The following NME5 variants were observed in gnomAD, a reference collection of about 807,000 sequenced individuals.
NME5 encodes the protein nucleoside diphosphate kinase 5.
NME5 carries 18 observed loss-of-function variants against 21.6 expected under a neutral mutation model. The ratio of observed to expected loss-of-function variants is 0.83; its 90% CI spans 0.58 to 1.24. The LOEUF is 1.24. Among genes scored for constraint, NME5 ranks in the 50% most tolerant of loss-of-function variants. The pLI is 0.00. For synonymous variants in NME5, 70 were observed against 80.6 expected (o/e 0.87, Z 0.71); for missense variants, 223 against 255.4 (o/e 0.87, Z 0.86).
chr5:138,115,619 AG>A lies in NME5; in HGVS notation c.*61del. The A allele has an allele frequency of 1.0e-6, 1 of 992,190 alleles. No homozygotes were observed. Among genetic ancestry groups the A allele is most frequent in the Non-Finnish European group, 1.5e-6 (1 of 680,714 alleles). 61.5% of individuals were successfully genotyped at this position (992,190 alleles called of 1,614,324 possible). On this transcript the variant is annotated 3_prime_UTR_variant, in exon 6 of 6. Transcript: ENST00000265191. Reference sequence around the variant, plus strand: ...AACCCTAGAAATAATTTTTTCAAACAGTAGAAGTACAGCCTTTTATAATAAG... The same window carrying A: ...AACCCTAGAAATAATTTTTTCAAACATAGAAGTACAGCCTTTTATAATAAG...
rs534142466 is a variant in NME5, at chr5:138,132,177, C to G, written c.130-2709G>C. Among the ~76,000 whole-genome samples the G allele has an allele frequency of 2.6e-5, 4 of 152,080 alleles. No homozygotes were observed. In the East Asian group the frequency reaches 5.8e-4, roughly 22 times the overall value. On this transcript the variant is annotated intron_variant, in intron 2 of 5. Transcript: ENST00000265191. ...GAGTTCAACACCAGCCTGGGCCACACGCAGAAACCCCGTCTCTACAAAAAA... is the reference window on the plus strand; with the variant it reads ...GAGTTCAACACCAGCCTGGGCCACAGGCAGAAACCCCGTCTCTACAAAAAA...
intron 4 of NME5, among the ~76,000 whole-genome samples, chr5:138,124,675 C>A (rs1384250207): frequency 6.6e-6 from 1 of 152,106 alleles, no homozygotes; most frequent in Non-Finnish European, 1.5e-5. Flanking sequence ...TGTACACCAC[C>A]ACCCCCAGCT....
Position 138,115,741 on chromosome 5 carries a change from C to T in NME5, c.579G>A (p.Leu193=). 6.3e-7 allele frequency: 1 copy of T among 1,574,894 alleles called. No individual in the cohort carries two copies. The highest frequency in any genetic ancestry group is 8.6e-7 in the Non-Finnish European group (1 of 1,167,142). ...GTTTGGGTTTGTTAGGATTATTTTT[C>T]AGCAGCCAATCAGCTAGCCAAATCT... ...DPLIWLADWL[L]KNNPNKPKLC... is the part of the protein sequence containing the mutation. The change falls in exon 6 of 6, where the codon CTG becomes CTA. Residue 193 remains leucine, a synonymous_variant. Coordinates refer to ENST00000265191, the MANE Select transcript of NME5 (RefSeq NM_003551.3).
chr5:138,129,789 C>T (rs1375759314), intron 2 of NME5, among the ~76,000 whole-genome samples: 1 of 152,108 alleles, frequency 6.6e-6, no homozygotes, highest in Admixed American at 6.5e-5. Flanking sequence ...GAAACCCCGT[C>T]TCTACTAAAA....
intron 2 of NME5, among the ~76,000 whole-genome samples, chr5:138,135,323 A>G (rs1229854323): frequency 6.7e-6 from 1 of 149,284 alleles, no homozygotes; most frequent in Non-Finnish European, 1.5e-5. Context: ...CCGTCTCAAA[A>G]AAAAAAAAAA....
chr5:138,138,528 A>T, intron 2 of NME5, 124 bp downstream of exon 2: 1 of 775,654 alleles, frequency 1.3e-6, no homozygotes. Flanking sequence ...TTTTATACTT[A>T]GAAGAATAAA....
At chr5:138,134,635 C>T (rs1358540992) in intron 2 of NME5, among the ~76,000 whole-genome samples, 1 of 152,158 alleles carries the variant, frequency 6.6e-6, no homozygotes, top group Non-Finnish European at 1.5e-5. Context: ...CCGCCTCATC[C>T]TCCCAAAGTG....
At chr5:138,129,730 G>A (rs944123353) in intron 2 of NME5, among the ~76,000 whole-genome samples, 4 of 152,190 alleles carry the variant, frequency 2.6e-5, no homozygotes, top group Non-Finnish European at 5.9e-5. Flanking sequence ...GGCCGAGGTC[G>A]GTGGATTGCC....
intron 2 of NME5, among the ~76,000 whole-genome samples, chr5:138,134,114 T>C (rs1241527941): frequency 6.6e-6 from 1 of 152,236 alleles, no homozygotes; most frequent in African/African-American, 2.4e-5. Context: ...GTTTGTTTTT[T>C]CTGGTCTCAG....
chr5:138,118,071 C>T (rs894132742), intron 5 of NME5, among the ~76,000 whole-genome samples: 2 of 151,760 alleles, frequency 1.3e-5, no homozygotes, highest in Non-Finnish European at 2.9e-5. Flanking sequence ...ATATGAAATA[C>T]CTTCTAGAAA....
At chr5:138,120,781 A>C (rs1201668978) in intron 4 of NME5, among the ~76,000 whole-genome samples, 1 of 152,060 alleles carries the variant, frequency 6.6e-6, no homozygotes, top group Non-Finnish European at 1.5e-5. Flanking sequence ...TTTTGTTTTT[A>C]TGTGACTATC....
intron 4 of NME5, among the ~76,000 whole-genome samples, chr5:138,119,336 G>A (rs546152977): frequency 1.3e-5 from 2 of 152,204 alleles, no homozygotes; most frequent in South Asian, 4.1e-4. Context: ...CTCCTAAGTA[G>A]ACAGGAGTGT....
At chr5:138,138,602 T>G in intron 2 of NME5, 50 bp downstream of exon 2, 1 of 1,554,362 alleles carries the variant, frequency 6.4e-7, no homozygotes, top group Non-Finnish European at 8.7e-7. Context: ...AGCATTTTTT[T>G]TTTAAGGGCA....
intron 2 of NME5, among the ~76,000 whole-genome samples, chr5:138,129,801 T>C (rs534203968): frequency 1.0e-3 from 152 of 152,106 alleles, no homozygotes; most frequent in African/African-American, 3.4e-3. Context: ...CTACTAAAAT[T>C]CAAAAAATTA....
At chr5:138,135,550 GTC>G (rs1218861704) in intron 2 of NME5, among the ~76,000 whole-genome samples, 2 of 151,810 alleles carry the variant, frequency 1.3e-5, no homozygotes, top group Non-Finnish European at 2.9e-5. Flanking sequence ...GGTCAGGCTG[GTC>G]TCCAACTCCT....
chr5:138,128,560 T>C lies in NME5; in HGVS notation c.355A>G (p.Thr119Ala), dbSNP rs112828986. ...HPDSLRAIYG[T>A]DDLRNALHGS... ...TGAAGTGCATTCCTTAGGTCATCTG[T>C]GCCATAAATTGCCCTCAGACTAAAA... Residue 119 changes from threonine (T) to alanine (A), a missense_variant, in exon 4 of 6, where the codon ACA becomes GCA. Physicochemically the swap from Thr to Ala is moderately conservative, Grantham distance 58. Coordinates refer to ENST00000265191, the MANE Select transcript of NME5 (RefSeq NM_003551.3). The C allele has an allele frequency of 6.2e-7, 1 of 1,611,036 alleles. No homozygotes were observed. Among genetic ancestry groups the C allele is most frequent in the South Asian group, 1.1e-5 (1 of 90,428 alleles).
At chr5:138,118,097 G>C (rs143358853) in intron 5 of NME5, among the ~76,000 whole-genome samples, 2 of 151,980 alleles carry the variant, frequency 1.3e-5, no homozygotes, top group East Asian at 3.9e-4. Flanking sequence ...ATTTTAAAAA[G>C]GTTCTCAATA....
chr5:138,128,639 C>T, intron 3 of NME5, 60 bp from the exon 4 acceptor site: 2 of 1,104,502 alleles, frequency 1.8e-6, no homozygotes, highest in Non-Finnish European at 1.3e-6. Flanking sequence ...ACTTTATATG[C>T]ATGCATTCCA....
intron 2 of NME5, among the ~76,000 whole-genome samples, chr5:138,131,028 T>C (rs1751552654): frequency 6.7e-6 from 1 of 150,200 alleles, no homozygotes; most frequent in Admixed American, 6.6e-5. Context: ...GTCAGGAGTT[T>C]GAGACCAGCC....
Sources: gnomAD v4.1 joint callset for allele counts (sites outside exome capture counted in the v4.1 genomes callset) on GRCh38, gnomAD v4.1.1 for gene constraint, MANE v1.5 for transcripts, NCBI Gene and HGNC (gene_info 2026-07-23, HGNC 2026-07-21) for gene names.